The following FRK variants were observed in gnomAD, a reference collection of about 807,000 sequenced individuals.
FRK encodes the protein tyrosine-protein kinase FRK.
FRK carries 51 observed loss-of-function variants against 56.4 expected under a neutral mutation model. The observed-to-expected ratio is 0.90, with a 90% CI of 0.72 to 1.14. The LOEUF is 1.14. FRK is among the 50% of genes most tolerant of loss of function. FRK has a pLI of 0.00. For synonymous variants in FRK, 245 were observed against 217.9 expected, an observed-to-expected ratio of 1.12 and a Z score of -1.10; for missense variants, 570 against 601.4, an observed-to-expected ratio of 0.95 and a Z score of 0.55.
intron 1 of FRK, among the ~76,000 whole-genome samples, chr6:116,033,336 A>T (rs1459035869): frequency 6.6e-6 from 1 of 152,148 alleles, no homozygotes; most frequent in African/African-American, 2.4e-5. Flanking sequence ...ACCAAAAAAG[A>T]CACTTTCCCT....
chr6:116,003,961 T>C lies in FRK; in HGVS notation c.382A>G (p.Lys128Glu). ...TTGTTTTCTGAATATAATAGTTGTT[T>C]CTCTGCATCTGATCTTCCGATTGCT... ...FGAIGRSDAE[K>E]QLLYSENKTG... The change falls in exon 2 of 8, where the codon AAA (lysine) becomes GAA (glutamate). Residue 128 changes from lysine to glutamate, a missense_variant. Physicochemically the swap from Lys to Glu is moderately conservative, Grantham distance 56. Transcript: ENST00000606080. 3 of 1,613,204 alleles carry C rather than the reference T, an allele frequency of 1.9e-6. No individual in the cohort carries two copies. The highest frequency in any genetic ancestry group is 2.5e-6 in the Non-Finnish European group (3 of 1,179,388).
chr6:115,954,704 CA>C (rs1772917758), intron 5 of FRK, among the ~76,000 whole-genome samples: 1 of 152,122 alleles, frequency 6.6e-6, no homozygotes, highest in South Asian at 2.1e-4. Context: ...TGTTCACAAA[CA>C]ATGATTTTTT....
the FRK span, among the ~76,000 whole-genome samples, chr6:116,089,715 T>A: frequency 6.6e-6 from 1 of 152,226 alleles, no homozygotes; most frequent in African/African-American, 2.4e-5. Flanking sequence ...AGATTGGATC[T>A]GGGCCCACCT....
chr6:116,014,067 G>T (rs568994688), intron 1 of FRK, among the ~76,000 whole-genome samples: 1 of 152,178 alleles, frequency 6.6e-6, no homozygotes, highest in Non-Finnish European at 1.5e-5. Context: ...ACTCAGTGAT[G>T]CACTATGATG....
intron 1 of FRK, among the ~76,000 whole-genome samples, chr6:116,054,334 G>A (rs1434538766): frequency 2.0e-5 from 3 of 148,736 alleles, no homozygotes; most frequent in Non-Finnish European, 4.5e-5. Context: ...AATGATTTGT[G>A]CTAAAATTTT....
rs377651167 is a variant in FRK, at chr6:115,953,523, T to C, written c.958+2929A>G. Among the ~76,000 whole-genome samples the C allele has an allele frequency of 1.1e-4, 16 of 152,136 alleles. 1 individual carries two copies. The East Asian group carries it at 1.7e-3, about 16-fold the overall frequency. On this transcript the variant is annotated intron_variant, in intron 5 of 7. Coordinates refer to ENST00000606080, the MANE Select transcript of FRK (RefSeq NM_002031.3). ...TTTATTGAATGTGAACCCTCTTGAC[T>C]GGGGAAGGGGCTATCTGCAGTGAGC...
chr6:116,010,006 T>C (rs1422448808), intron 1 of FRK, among the ~76,000 whole-genome samples: 2 of 152,122 alleles, frequency 1.3e-5, no homozygotes, highest in African/African-American at 4.8e-5. Flanking sequence ...GGTGGGTGGA[T>C]CACAAGGTCA....
At chr6:115,959,630 T>C (rs1773246245) in intron 4 of FRK, among the ~76,000 whole-genome samples, 3 of 152,316 alleles carry the variant, frequency 2.0e-5, no homozygotes, top group East Asian at 3.9e-4. Context: ...CCTGCACTAG[T>C]AAATTTGCAC....
intron 1 of FRK, among the ~76,000 whole-genome samples, chr6:116,054,532 A>G (rs1368339199): frequency 6.9e-6 from 1 of 145,064 alleles, no homozygotes; most frequent in Non-Finnish European, 1.5e-5. Context: ...TATATATTAT[A>G]TAGTATAATA....
At chr6:116,066,398 G>C in the FRK span, among the ~76,000 whole-genome samples, 109 of 151,926 alleles carry the variant, frequency 7.2e-4, no homozygotes, top group African/African-American at 2.6e-3. Context: ...GATCATGTAA[G>C]TTAATACTTA....
At chr6:115,959,317 T>C (rs1220872002) in intron 4 of FRK, among the ~76,000 whole-genome samples, 3 of 152,332 alleles carry the variant, frequency 2.0e-5, no homozygotes, top group South Asian at 4.1e-4. Flanking sequence ...ATCGTGGTTT[T>C]TTTTTAACAT....
At chr6:116,040,007 T>C (rs1776654100) in intron 1 of FRK, among the ~76,000 whole-genome samples, 1 of 151,528 alleles carries the variant, frequency 6.6e-6, no homozygotes, top group Admixed American at 6.6e-5. Flanking sequence ...CAAAGATTCA[T>C]GAACTGTTTC....
chr6:116,029,268 C>T (rs1232739379), intron 1 of FRK, among the ~76,000 whole-genome samples: 2 of 152,100 alleles, frequency 1.3e-5, no homozygotes, highest in East Asian at 3.9e-4. Context: ...CTATAACTTA[C>T]TTCTTTGTTT....
the FRK span, among the ~76,000 whole-genome samples, chr6:116,096,031 G>A: frequency 6.6e-6 from 1 of 152,152 alleles, no homozygotes; most frequent in Non-Finnish European, 1.5e-5. Context: ...CTCGCCTTCA[G>A]GCCCTTTATT....
rs34441668 is a variant in FRK, at chr6:115,983,071, C to CAA, written c.467-14334_467-14333dup. On this transcript the variant is annotated intron_variant, in intron 2 of 7. Coordinates refer to ENST00000606080, the MANE Select transcript of FRK (RefSeq NM_002031.3). Reference sequence around the variant, plus strand: ...TGGGCAATAGAGTGAGACTCTATCTCAAAAAAAAAAAAAAATCTGTTGAAT... The same window carrying CAA: ...TGGGCAATAGAGTGAGACTCTATCTCAAAAAAAAAAAAAAAAATCTGTTGAAT... Among the ~76,000 whole-genome samples, 661 of 143,476 alleles carry CAA rather than the reference C, an allele frequency of 4.6e-3. 3 individuals carry two copies. The highest frequency in any genetic ancestry group is 7.1e-3 in the Non-Finnish European group (470 of 65,866). 94.1% of individuals were successfully genotyped at this position (143,476 alleles called of 152,430 possible). A position where few individuals can be genotyped will look rare whatever the true frequency, so the allele number is the denominator to read the frequency against.
chr6:116,002,853 T>A (rs1351182338), intron 2 of FRK: 1 of 355,396 alleles, frequency 2.8e-6, no homozygotes, highest in Admixed American at 3.0e-5. Flanking sequence ...GCCCTGATAT[T>A]TGGGACTACC....
In FRK at chr6:115,942,459, A is replaced by G. The variant is rs148760208; in HGVS notation, c.1473T>C (p.Phe491=). Residue 491 remains phenylalanine, a synonymous_variant, in exon 8 of 8, where the codon TTT becomes TTC. Coordinates refer to ENST00000606080, the MANE Select transcript of FRK (RefSeq NM_002031.3). ...ETLRWKLEDY[F]ETDSSYSDAN... is the part of the protein sequence containing the mutation. The stretch of plus-strand genomic sequence containing the variant: ...CATCTGAATATGAAGAGTCTGTTTC[A>G]AAATAGTCTTCAAGTTTCCAACGCA... 6.2e-5 allele frequency: 100 copies of G among 1,613,688 alleles called. No individual in the cohort carries two copies. In the African/African-American group the frequency reaches 1.1e-3, roughly 18 times the overall value.
At chr6:115,962,027 T>C (rs1366765834) in intron 4 of FRK, among the ~76,000 whole-genome samples, 2 of 123,032 alleles carry the variant, frequency 1.6e-5, no homozygotes, top group Non-Finnish European at 3.4e-5. Flanking sequence ...AATGACAGGA[T>C]CAAATTCACA....
chr6:116,047,669 T>C (rs186661984), intron 1 of FRK, among the ~76,000 whole-genome samples: 1 of 121,436 alleles, frequency 8.2e-6, no homozygotes, highest in South Asian at 2.7e-4. Context: ...CACTTTGGGA[T>C]AGTATCTGCT....
Sources: allele counts gnomAD v4.1 joint callset (sites outside exome capture counted in the v4.1 genomes callset), GRCh38; gene constraint gnomAD v4.1.1; transcripts MANE v1.5; gene names NCBI Gene and HGNC (gene_info 2026-07-23, HGNC 2026-07-21).